Variants in DAB1 observed in about 807,000 individuals in gnomAD.
DAB1 encodes the protein DAB adaptor protein 1, also known as disabled homolog 1.
In DAB1, 15 loss-of-function variants were observed where a neutral mutation model predicts 64.6. The observed-to-expected ratio is 0.23, with a 90% CI of 0.16 to 0.36. DAB1 has a LOEUF of 0.36. DAB1 is among the 10% of genes least tolerant of loss of function. The pLI, the probability that DAB1 is intolerant of heterozygous loss-of-function variation, is 1.00. For missense variants in DAB1, 596 were observed against 706.7 expected, an observed-to-expected ratio of 0.84 and a Z score of 1.78; for synonymous variants, 235 against 251.9, an observed-to-expected ratio of 0.93 and a Z score of 0.64.
chr1:57,431,143 C>CACAAAAAAAAAAAAAAA (rs749097562), intron 7 of DAB1, among the ~76,000 whole-genome samples: 2 of 96,406 alleles, frequency 2.1e-5, no homozygotes, highest in Non-Finnish European at 4.4e-5. Flanking sequence ...AGGCCAAAAA[C>CACAAAAAAAAAAAAAAA]AAAAAAAAAA....
At chr1:57,964,852 TA>T (rs2100286491) in intron 5 of DAB1, among the ~76,000 whole-genome samples, 2 of 152,196 alleles carry the variant, frequency 1.3e-5, no homozygotes, top group East Asian at 3.9e-4. Context: ...GTTCACTGTC[TA>T]GGGGAAGATA....
chr1:58,297,823 T>C (rs1569616460), intron 4 of DAB1, among the ~76,000 whole-genome samples: 1 of 152,170 alleles, frequency 6.6e-6, no homozygotes. Flanking sequence ...TAGAAGCAGG[T>C]TGAACAAAGT....
chr1:57,824,125 G>T (rs1380804989), downstream of DAB1, among the ~76,000 whole-genome samples: 2 of 152,212 alleles, frequency 1.3e-5, no homozygotes. Context: ...CCATGAGTTA[G>T]ATGTTATCTC....
chr1:57,840,695 C>T (rs539732611), intron 1 of DAB1, among the ~76,000 whole-genome samples: 165 of 152,142 alleles, frequency 1.1e-3, no homozygotes, highest in African/African-American at 3.8e-3. Context: ...GGGGCAAGTG[C>T]CACACTTTAA....
chr1:58,193,750 G>A (rs1657518615), intron 4 of DAB1, among the ~76,000 whole-genome samples: 1 of 152,112 alleles, frequency 6.6e-6, no homozygotes, highest in African/African-American at 2.4e-5. Flanking sequence ...CAGCTGCTCG[G>A]GAGGCTGAGG....
At chr1:57,804,336 A>G (rs1320464233) in intron 6 of DAB1, among the ~76,000 whole-genome samples, 1 of 152,084 alleles carries the variant, frequency 6.6e-6, no homozygotes, top group African/African-American at 2.4e-5. Context: ...CTTACCACCA[A>G]TCACTTCTGG....
At chr1:58,493,096 G>T (rs993276061) in intron 3 of DAB1, among the ~76,000 whole-genome samples, 12 of 152,294 alleles carry the variant, frequency 7.9e-5, no homozygotes, top group Non-Finnish European at 8.8e-5. Context: ...TCCCTGGGAT[G>T]CAAGGCTGGT....
chr1:57,044,726 G>T lies in DAB1; in HGVS notation c.723+18158C>A, dbSNP rs571795308. The stretch of plus-strand genomic sequence containing the variant: ...CCATATCTCCTTAGTAAGGTCACGG[G>T]TGGTTGGGATCATTATTTCTTGTTT... On this transcript the variant is annotated intron_variant, in intron 9 of 14. Coordinates refer to ENST00000371236, the MANE Select transcript of DAB1 (RefSeq NM_001365792.1). Among the ~76,000 whole-genome samples the T allele has an allele frequency of 9.0e-4, 137 of 152,286 alleles. 4 individuals are homozygous for T. The South Asian group carries it at 0.011, about 12-fold the overall frequency.
At chr1:57,742,175 C>T (rs1016359550) in intron 6 of DAB1, among the ~76,000 whole-genome samples, 6 of 152,128 alleles carry the variant, frequency 3.9e-5, no homozygotes, top group African/African-American at 1.4e-4. Flanking sequence ...CCCACTAATG[C>T]ATTTCTCAGA....
chr1:57,717,784 C>T (rs555493294), intron 6 of DAB1, among the ~76,000 whole-genome samples: 1 of 151,778 alleles, frequency 6.6e-6, no homozygotes, highest in African/African-American at 2.4e-5. Flanking sequence ...ATTATTCAGC[C>T]ATAAAAAATA....
At chr1:58,280,822 C>T (rs776814222) in intron 4 of DAB1, among the ~76,000 whole-genome samples, 3 of 152,102 alleles carry the variant, frequency 2.0e-5, no homozygotes, top group Admixed American at 1.3e-4. Flanking sequence ...GGGTGGCACC[C>T]AAGGAGTGCA....
intron 5 of DAB1, among the ~76,000 whole-genome samples, chr1:57,964,222 A>C (rs959132675): frequency 6.6e-6 from 1 of 151,920 alleles, no homozygotes; most frequent in Non-Finnish European, 1.5e-5. Flanking sequence ...CTGCAGTTTT[A>C]CTCCACTCAA....
At chr1:57,993,249 A>G (rs1646374748) in intron 5 of DAB1, among the ~76,000 whole-genome samples, 1 of 152,040 alleles carries the variant, frequency 6.6e-6, no homozygotes, top group South Asian at 2.1e-4. Context: ...ATCTCTGACC[A>G]CTCTCTCAGA....
At chr1:58,527,453 T>C (rs1338542952) in intron 1 of DAB1, 2 of 636,132 alleles carry the variant, frequency 3.1e-6, no homozygotes, top group African/African-American at 3.7e-5. Flanking sequence ...ATTCCTATAC[T>C]GTCTACTAAC....
At chr1:57,918,997 T>A (rs1316485133) in intron 5 of DAB1, among the ~76,000 whole-genome samples, 1 of 152,210 alleles carries the variant, frequency 6.6e-6, no homozygotes, top group African/African-American at 2.4e-5. Flanking sequence ...AAAATTGGGT[T>A]TCATACTTCC....
chr1:57,625,357 C>A (rs778780828), intron 7 of DAB1, among the ~76,000 whole-genome samples: 4 of 152,084 alleles, frequency 2.6e-5, no homozygotes, highest in South Asian at 2.1e-4. Flanking sequence ...CCATCTCCCC[C>A]CTTATCTCAC....
At chr1:58,032,534 G>T (rs1452219351) in intron 5 of DAB1, among the ~76,000 whole-genome samples, 1 of 152,168 alleles carries the variant, frequency 6.6e-6, no homozygotes, top group Non-Finnish European at 1.5e-5. Context: ...ATGCCATGTT[G>T]AGTGTTTGGT....
At chr1:57,298,877 C>T (rs1220085403) in intron 1 of DAB1, among the ~76,000 whole-genome samples, 1 of 152,290 alleles carries the variant, frequency 6.6e-6, no homozygotes, top group African/African-American at 2.4e-5. Context: ...AGATCAGTTA[C>T]AATTTCACAA....
At chr1:57,468,771 C>A (rs535552625) in intron 7 of DAB1, among the ~76,000 whole-genome samples, 5 of 152,292 alleles carry the variant, frequency 3.3e-5, no homozygotes, top group Non-Finnish European at 7.4e-5. Flanking sequence ...GACTGATAAG[C>A]CAATTCTGTC....
Sources: gnomAD v4.1 joint callset for allele counts (sites outside exome capture counted in the v4.1 genomes callset) on GRCh38, gnomAD v4.1.1 for gene constraint, MANE v1.5 for transcripts, NCBI Gene and HGNC (gene_info 2026-07-23, HGNC 2026-07-21) for gene names.